Variants in MYOM2 observed in about 807,000 individuals in gnomAD.
MYOM2 encodes myomesin-2.
Under a neutral mutation model 187.6 loss-of-function variants are expected in MYOM2, and 254 were observed. The observed-to-expected ratio is 1.35, with a 90% CI of 1.22 to 1.50. MYOM2 has a LOEUF of 1.50. Among genes scored for constraint, MYOM2 ranks in the 40% most tolerant of loss-of-function variants. The pLI is 0.00. For missense variants in MYOM2, 2,796 were observed against 1,924.0 expected (o/e 1.45, Z -8.48); for synonymous variants, 981 against 753.8 (o/e 1.30, Z -4.94).
intron 32 of MYOM2, among the ~76,000 whole-genome samples, chr8:2,137,384 C>T (rs7840590): frequency 0.52 from 78,233 of 151,226 alleles, 21,207 homozygotes; most frequent in African/African-American, 0.69. Context: ...TCCCCTTCTT[C>T]GCAAGCGGGG....
chr8:2,078,265 TG>T (rs1162292016), intron 11 of MYOM2, among the ~76,000 whole-genome samples: 1 of 152,224 alleles, frequency 6.6e-6, no homozygotes, highest in Non-Finnish European at 1.5e-5. Flanking sequence ...CCCAGGGACC[TG>T]GGCCCTTGGT....
In MYOM2 at chr8:2,097,958, C is replaced by G. The variant is rs565013966; in HGVS notation, c.2314-899C>G. On this transcript the variant is annotated intron_variant, in intron 18 of 36. Coordinates refer to ENST00000262113, the MANE Select transcript of MYOM2 (RefSeq NM_003970.4). ...TTTGTCCCTCTGTCCAGCGCCTCCC[C>G]GACCCGGCACCCGCCCCTCAGCTCC... is the stretch of plus-strand genomic sequence containing the variant. The G allele has an allele frequency of 3.6e-5, 5 of 137,616 alleles. No homozygotes were observed. The East Asian group carries it at 1.2e-3, about 32-fold the overall frequency. The allele number at this position is 137,616 out of a possible 1,614,324, so 8.5% of individuals were successfully genotyped here. A position where few individuals can be genotyped will look rare whatever the true frequency, so the allele number is the denominator to read the frequency against.
intron 24 of MYOM2, 70 bp from the exon 25 acceptor site, chr8:2,109,325 A>G (rs1214941762): frequency 1.4e-6 from 2 of 1,464,772 alleles, no homozygotes; most frequent in Non-Finnish European, 1.8e-6. Context: ...ATATTTCCCT[A>G]CAATTTGCAG....
At chr8:2,098,652 G>A (rs1035171564) in intron 18 of MYOM2, among the ~76,000 whole-genome samples, 1 of 152,224 alleles carries the variant, frequency 6.6e-6, no homozygotes, top group African/African-American at 2.4e-5. Flanking sequence ...TCACTTTGGG[G>A]ATTGAGTGAA....
chr8:2,083,509 C>G (rs1819705545), intron 13 of MYOM2, among the ~76,000 whole-genome samples: 5 of 152,066 alleles, frequency 3.3e-5, no homozygotes, highest in Admixed American at 2.6e-4. Flanking sequence ...GTGTGACTAG[C>G]AGCATCTCAC....
In MYOM2 at chr8:2,096,428, C is replaced by T; in HGVS notation, c.2307C>T (p.Ile769=). 1.2e-6 allele frequency: 2 copies of T among 1,613,942 alleles called. No individual in the cohort carries two copies. Among genetic ancestry groups the T allele is most frequent in the Middle Eastern group, 1.7e-4 (1 of 6,058 alleles). ...EVNSSPSKPT[I]LTVDGLTEGS... The stretch of plus-strand genomic sequence containing the variant: ...ATTCCTCACCCAGCAAACCGACAAT[C>T]CTAACGGTCAGTTGGTTTTTATTCC... The change falls in exon 18 of 37, where the codon ATC becomes ATT. Residue 769 remains isoleucine (I), a synonymous_variant. Transcript: ENST00000262113.
chr8:2,106,391 G>C lies in MYOM2; in HGVS notation c.2884G>C (p.Gly962Arg), dbSNP rs1330339118. ...TGAGAGGTTTAAAATTGAAACCGTG[G>C]GGGATCAGTAAGTGAGGCCTGGAAG... ...DDERFKIETV[G>R]DHSKLYLKNP... is the part of the protein sequence containing the mutation. The change falls in exon 22 of 37, where the codon GGG becomes CGG. Residue 962 changes from glycine to arginine, a missense_variant. Gly to Arg is a moderately radical substitution (Grantham distance 125). Transcript: ENST00000262113. 6.2e-7 allele frequency: 1 copy of C among 1,614,004 alleles called. No homozygotes were observed.
chr8:2,084,748 T>C (rs1230461059), intron 13 of MYOM2, among the ~76,000 whole-genome samples: 2 of 152,242 alleles, frequency 1.3e-5, no homozygotes, highest in Non-Finnish European at 2.9e-5. Flanking sequence ...AATATGGTAC[T>C]GAGCTTTTGA....
At chr8:2,129,287 G>A (rs997665809) in intron 32 of MYOM2, 55 bp downstream of exon 32, 14 of 1,240,028 alleles carry the variant, frequency 1.1e-5, no homozygotes, top group Middle Eastern at 1.9e-4. Flanking sequence ...TGTCCAGGGC[G>A]CACAGCTGGG....
intron 21 of MYOM2, 127 bp from the exon 22 acceptor site, chr8:2,106,115 T>C (rs923039765): frequency 9.5e-6 from 9 of 943,684 alleles, no homozygotes; most frequent in Non-Finnish European, 1.4e-5. Flanking sequence ...CCCTCTACAC[T>C]TGGGGATTAC....
At position 2,103,620 on chromosome 8, in the gene MYOM2, G is replaced by A. The variant is rs751841176; in HGVS notation, c.2734+839G>A. On this transcript the variant is annotated intron_variant, in intron 21 of 36. Transcript: ENST00000262113. ...TATGTGTATATATGTAGAGGTGTAT[G>A]GATAAATGAGTGGGAGAGCGTGCAT... Among the ~76,000 whole-genome samples the A allele has an allele frequency of 4.2e-4, 64 of 151,644 alleles. 1 individual carries two copies. Among genetic ancestry groups the A allele is most frequent in the Admixed American group, 2.2e-3 (34 of 15,236 alleles).
chr8:2,101,973 G>C (rs1366901813), intron 20 of MYOM2: 1 of 152,276 alleles, frequency 6.6e-6, no homozygotes, highest in Non-Finnish European at 1.5e-5. Flanking sequence ...CTCCAGCTGA[G>C]TTGCCAACTG....
intron 32 of MYOM2, among the ~76,000 whole-genome samples, chr8:2,133,684 C>T (rs1417083243): frequency 3.9e-5 from 6 of 152,194 alleles, no homozygotes; most frequent in Non-Finnish European, 8.8e-5. Context: ...CGGTCTCGAA[C>T]TCCTGACCTC....
intron 14 of MYOM2, 93 bp from the exon 15 acceptor site, chr8:2,089,915 G>A: frequency 8.0e-7 from 1 of 1,251,706 alleles, no homozygotes; most frequent in Admixed American, 2.2e-5. Context: ...GGTGGTCCTG[G>A]GATAGCGAGA....
chr8:2,126,838 A>G (rs1585953525), intron 31 of MYOM2, among the ~76,000 whole-genome samples: 1 of 105,426 alleles, frequency 9.5e-6, no homozygotes, highest in Non-Finnish European at 1.8e-5. Context: ...GCACTGGGAG[A>G]GGTTGATAGA....
At chr8:2,097,102 G>C in intron 18 of MYOM2, 2 of 981,768 alleles carry the variant, frequency 2.0e-6, no homozygotes, top group Non-Finnish European at 2.4e-6. Context: ...GACCTCAGGG[G>C]AGTCACTTAC....
In MYOM2 at chr8:2,132,031, G is replaced by C. The variant is rs1360087308; in HGVS notation, c.3800+2799G>C. Among the ~76,000 whole-genome samples, 3 of 152,106 alleles carry C rather than the reference G, an allele frequency of 2.0e-5. No homozygotes were observed. The South Asian group carries it at 6.2e-4, about 32-fold the overall frequency. ...TATTAAACAACATGAAACTATATTAGGTAGTCATCATGTATGATTGTAATT... is the reference window on the plus strand; with the variant it reads ...TATTAAACAACATGAAACTATATTACGTAGTCATCATGTATGATTGTAATT... On this transcript the variant is annotated intron_variant, in intron 32 of 36. Transcript: ENST00000262113.
At chr8:2,121,931 G>T (rs1288754358) in intron 28 of MYOM2, among the ~76,000 whole-genome samples, 1 of 152,206 alleles carries the variant, frequency 6.6e-6, no homozygotes, top group Non-Finnish European at 1.5e-5. Flanking sequence ...GAGAGAATTT[G>T]AGGGAGTGCA....
chr8:2,079,811 G>A (rs547644651), intron 13 of MYOM2, among the ~76,000 whole-genome samples, 198 bp downstream of exon 13: 1 of 152,278 alleles, frequency 6.6e-6, no homozygotes, highest in East Asian at 1.9e-4. Context: ...CAGAGTGAGA[G>A]GGTGGGAGAA....
Sources: gnomAD v4.1 joint callset for allele counts (sites outside exome capture counted in the v4.1 genomes callset) on GRCh38, gnomAD v4.1.1 for gene constraint, MANE v1.5 for transcripts, NCBI Gene and HGNC (gene_info 2026-07-23, HGNC 2026-07-21) for gene names.